The following CACNA1E variants were observed in gnomAD, a reference collection of about 807,000 sequenced individuals.
The protein encoded by CACNA1E is voltage-dependent R-type calcium channel subunit alpha-1E.
CACNA1E carries 40 observed loss-of-function variants against 259.2 expected under a neutral mutation model. The observed-to-expected ratio is 0.15, with a 90% CI of 0.12 to 0.20. The LOEUF (loss-of-function observed/expected upper bound fraction) is 0.20. Ranked by LOEUF, CACNA1E falls within the 10% of genes least tolerant of loss-of-function variation. The pLI is 1.00. For missense variants in CACNA1E, 1,874 were observed against 3,040.1 expected (o/e 0.62, Z 9.02); for synonymous variants, 1,104 against 1,138.5 (o/e 0.97, Z 0.61).
intron 3 of CACNA1E, among the ~76,000 whole-genome samples, chr1:181,552,619 G>T (rs983495141): frequency 6.6e-6 from 1 of 151,984 alleles, no homozygotes; most frequent in Admixed American, 6.5e-5. Context: ...GAATAAAGCT[G>T]CTCTAAACAT....
intron 2 of CACNA1E, among the ~76,000 whole-genome samples, chr1:181,446,261 T>C (rs1164054568): frequency 1.3e-5 from 2 of 152,212 alleles, no homozygotes; most frequent in Non-Finnish European, 2.9e-5. Context: ...CATCCTGCCC[T>C]TGCAGCACAG....
At chr1:181,366,949 T>C (rs539818738) in intron 1 of CACNA1E, among the ~76,000 whole-genome samples, 154 of 152,220 alleles carry the variant, frequency 1.0e-3, no homozygotes, top group Non-Finnish European at 1.9e-3. Context: ...CATGGAGTTT[T>C]GCATCCCTTA....
chr1:181,702,579 T>G (rs927136964), intron 7 of CACNA1E, among the ~76,000 whole-genome samples: 3 of 152,200 alleles, frequency 2.0e-5, no homozygotes, highest in African/African-American at 7.2e-5. Flanking sequence ...ACTTCCCCAC[T>G]GCCTGCTACC....
At chr1:181,565,552 A>G (rs114761833) in intron 3 of CACNA1E, among the ~76,000 whole-genome samples, 220 of 152,318 alleles carry the variant, frequency 1.4e-3, no homozygotes, top group African/African-American at 4.5e-3. Flanking sequence ...ACATCCAGGG[A>G]AGGAACTTCC....
chr1:181,456,213 T>C (rs1286354022), intron 2 of CACNA1E, among the ~76,000 whole-genome samples: 1 of 152,116 alleles, frequency 6.6e-6, no homozygotes, highest in African/African-American at 2.4e-5. Context: ...TGAAAAGAGT[T>C]CAGCCTCACA....
At chr1:181,458,277 G>A (rs1216768405) in intron 2 of CACNA1E, among the ~76,000 whole-genome samples, 1 of 152,144 alleles carries the variant, frequency 6.6e-6, no homozygotes, top group Non-Finnish European at 1.5e-5. Context: ...TGGTGCTTCG[G>A]GGACTCCTGG....
intron 1 of CACNA1E, among the ~76,000 whole-genome samples, chr1:181,356,342 G>A (rs1653432742): frequency 3.2e-5 from 2 of 61,646 alleles, no homozygotes; most frequent in African/African-American, 1.3e-4. Flanking sequence ...CCTTCTATTC[G>A]TGTGTGTGTG....
intron 6 of CACNA1E, among the ~76,000 whole-genome samples, chr1:181,583,309 C>T (rs1250656688): frequency 6.6e-6 from 1 of 152,078 alleles, no homozygotes; most frequent in Non-Finnish European, 1.5e-5. Flanking sequence ...ATAAATATAA[C>T]TGTATTGATT....
chr1:181,406,333 T>A (rs184267590), intron 1 of CACNA1E, among the ~76,000 whole-genome samples: 1 of 152,368 alleles, frequency 6.6e-6, no homozygotes, highest in East Asian at 1.9e-4. Flanking sequence ...GCATTTTTTA[T>A]GGCCAGGTGC....
At chr1:181,563,589 T>A (rs562635549) in intron 3 of CACNA1E, among the ~76,000 whole-genome samples, 1 of 152,202 alleles carries the variant, frequency 6.6e-6, no homozygotes, top group African/African-American at 2.4e-5. Flanking sequence ...AGAAGAGGAC[T>A]CTGGCTTGCT....
At chr1:181,542,099 CAA>C (rs746262954) in intron 3 of CACNA1E, among the ~76,000 whole-genome samples, 4 of 152,168 alleles carry the variant, frequency 2.6e-5, no homozygotes, top group South Asian at 2.1e-4. Flanking sequence ...AGACTCCTGC[CAA>C]AGCCATGAGT....
In CACNA1E at chr1:181,582,497, A is replaced by C. The variant is rs569737468; in HGVS notation, c.951+1721A>C. On this transcript the variant is annotated intron_variant, in intron 6 of 47. Transcript: ENST00000367573. ...TCAATTATATGTGTAGACTCACCTA[A>C]GTGATGTGATAAATGCATTGAAAGC... Among the ~76,000 whole-genome samples the C allele has an allele frequency of 2.0e-5, 3 of 152,206 alleles. No homozygotes were observed. In the South Asian group the frequency reaches 6.2e-4, roughly 32 times the overall value.
chr1:181,561,652 T>G (rs1649338389), intron 3 of CACNA1E, among the ~76,000 whole-genome samples: 1 of 152,204 alleles, frequency 6.6e-6, no homozygotes, highest in Admixed American at 6.6e-5. Flanking sequence ...AGTATTCAGT[T>G]GTATGGATGA....
rs1662222775 is a variant in CACNA1E, at chr1:181,800,925, G to C, written c.*2091G>C. ...CAGAGACAGAGCTCTCCCACTCTCA[G>C]ACCCTCTTTTGTCTTCATTTTCCTC... On this transcript the variant is annotated 3_prime_UTR_variant, in exon 48 of 48. Transcript: ENST00000367573. The C allele has an allele frequency of 6.6e-6, 1 of 152,648 alleles. No individual in the cohort carries two copies. Among genetic ancestry groups the C allele is most frequent in the Admixed American group, 6.5e-5 (1 of 15,282 alleles). 9.5% of individuals were successfully genotyped at this position (152,648 alleles called of 1,614,324 possible).
upstream of CACNA1E, among the ~76,000 whole-genome samples, chr1:181,478,726 G>A (rs559582908): frequency 6.6e-5 from 10 of 152,352 alleles, no homozygotes; most frequent in African/African-American, 1.7e-4. Context: ...TCTCAGTGAT[G>A]GGTGAAAAAT....
intron 33 of CACNA1E, 74 bp downstream of exon 33, chr1:181,762,731 A>G: frequency 1.2e-6 from 1 of 860,902 alleles, no homozygotes; most frequent in Non-Finnish European, 1.9e-6. Context: ...CTGTATATTC[A>G]GTCCATTTTT....
intron 40 of CACNA1E, among the ~76,000 whole-genome samples, chr1:181,784,399 G>A (rs1660689550): frequency 6.6e-6 from 1 of 152,200 alleles, no homozygotes; most frequent in South Asian, 2.1e-4. Flanking sequence ...GAGGCTTTTA[G>A]AACGAATGAG....
At chr1:181,737,424 C>T in intron 22 of CACNA1E, 101 bp from the exon 23 acceptor site, 16 of 1,392,486 alleles carry the variant, frequency 1.1e-5, no homozygotes, top group Non-Finnish European at 1.6e-5. Flanking sequence ...TGGCAAGGGC[C>T]TGGCTGTCTG....
At chr1:181,501,377 G>C (rs1386794889) in intron 1 of CACNA1E, among the ~76,000 whole-genome samples, 1 of 152,208 alleles carries the variant, frequency 6.6e-6, no homozygotes. Flanking sequence ...CTCAGTGTTG[G>C]TTCACCAAAG....
Sources: gnomAD v4.1 joint callset for allele counts (sites outside exome capture counted in the v4.1 genomes callset) on GRCh38, gnomAD v4.1.1 for gene constraint, MANE v1.5 for transcripts, NCBI Gene and HGNC (gene_info 2026-07-23, HGNC 2026-07-21) for gene names.